Variants in LARGE1 observed in about 807,000 individuals in gnomAD.
LARGE1 encodes the protein xylosyl- and glucuronyltransferase LARGE1.
A neutral mutation model predicts 87.6 loss-of-function variants in LARGE1; 43 were observed. The observed-to-expected ratio is 0.49, with a 90% CI of 0.38 to 0.63. LARGE1 has a LOEUF of 0.63. Ranked by LOEUF, LARGE1 falls within the 30% of genes least tolerant of loss-of-function variation. The probability of loss-of-function intolerance (pLI) is 0.00; values close to 1 mark genes in which losing one functional copy is unlikely to be tolerated. For missense variants in LARGE1, 802 were observed against 1,000.2 expected, an observed-to-expected ratio of 0.80 and a Z score of 2.67; for synonymous variants, 434 against 394.6, an observed-to-expected ratio of 1.10 and a Z score of -1.18.
At chr22:33,898,621 G>T (rs2065207388) in intron 1 of LARGE1, among the ~76,000 whole-genome samples, 1 of 152,196 alleles carries the variant, frequency 6.6e-6, no homozygotes, top group Admixed American at 6.5e-5. Context: ...GGGCGTGGTG[G>T]CACATGCCTG....
chr22:33,637,300 T>C (rs191668105), intron 3 of LARGE1, among the ~76,000 whole-genome samples: 2 of 152,298 alleles, frequency 1.3e-5, no homozygotes, highest in African/African-American at 4.8e-5. Context: ...TATTTGTTGT[T>C]GTCATTCTCA....
At chr22:33,095,228 T>G in the LARGE1 span, among the ~76,000 whole-genome samples, 1 of 152,168 alleles carries the variant, frequency 6.6e-6, no homozygotes, top group Non-Finnish European at 1.5e-5. Flanking sequence ...AGTGCTAAAA[T>G]CAAAGTGTCA....
At chr22:33,645,106 C>CA (rs2080565502) in intron 3 of LARGE1, among the ~76,000 whole-genome samples, 10 of 152,190 alleles carry the variant, frequency 6.6e-5, no homozygotes, top group Admixed American at 2.6e-4. Context: ...CCAAGACAAT[C>CA]TTAAGCAAAA....
chr22:33,594,517 T>C (rs2078926255), intron 5 of LARGE1, among the ~76,000 whole-genome samples: 1 of 152,228 alleles, frequency 6.6e-6, no homozygotes, highest in East Asian at 1.9e-4. Context: ...ACCCTGCCCA[T>C]TGCTTTCTCA....
chr22:33,486,355 C>T (rs1471330610), intron 6 of LARGE1, among the ~76,000 whole-genome samples: 1 of 152,238 alleles, frequency 6.6e-6, no homozygotes, highest in Non-Finnish European at 1.5e-5. Context: ...ACCTATCCCT[C>T]CTTCCACTGG....
intron 2 of LARGE1, among the ~76,000 whole-genome samples, chr22:33,751,285 A>G (rs1398632595): frequency 6.6e-6 from 1 of 152,154 alleles, no homozygotes; most frequent in Non-Finnish European, 1.5e-5. Context: ...GTTCGAGACC[A>G]GCCTGGCCAA....
At chr22:33,482,382 T>C (rs2069367536) in intron 6 of LARGE1, among the ~76,000 whole-genome samples, 1 of 152,198 alleles carries the variant, frequency 6.6e-6, no homozygotes, top group African/African-American at 2.4e-5. Context: ...GCCATGGTGT[T>C]CTATGCTGAG....
chr22:33,258,582 G>A (rs963592383), intron 11 of LARGE1, among the ~76,000 whole-genome samples: 4 of 152,152 alleles, frequency 2.6e-5, no homozygotes, highest in Admixed American at 6.5e-5. Flanking sequence ...AGATGTTTAC[G>A]GTTAAGGGAA....
intron 6 of LARGE1, among the ~76,000 whole-genome samples, chr22:33,486,940 T>C (rs1462251708): frequency 6.6e-6 from 1 of 152,226 alleles, no homozygotes; most frequent in Admixed American, 6.5e-5. Flanking sequence ...TACTGGGTTA[T>C]ATAACTGTGC....
intron 7 of LARGE1, among the ~76,000 whole-genome samples, chr22:33,419,335 C>T (rs2147548211): frequency 6.6e-6 from 1 of 151,794 alleles, no homozygotes; most frequent in South Asian, 2.1e-4. Flanking sequence ...AGGGCCTGAC[C>T]ATATCAACCA....
chr22:33,282,674 A>G (rs1384462677), intron 13 of LARGE1, among the ~76,000 whole-genome samples: 1 of 152,240 alleles, frequency 6.6e-6, no homozygotes, highest in African/African-American at 2.4e-5. Flanking sequence ...GCTGGCTGCC[A>G]CATGTGCTGG....
At chr22:33,717,480 C>T (rs984086555) in intron 2 of LARGE1, among the ~76,000 whole-genome samples, 10 of 152,174 alleles carry the variant, frequency 6.6e-5, no homozygotes, top group African/African-American at 2.2e-4. Flanking sequence ...CAGTTCTTCT[C>T]CTCATCTACT....
Position 33,603,801 on chromosome 22 carries a change from C to T in LARGE1, c.615+634G>A, listed in dbSNP as rs548537314. Among the ~76,000 whole-genome samples the T allele has an allele frequency of 4.6e-5, 7 of 152,230 alleles. No individual in the cohort carries two copies. In the South Asian group the frequency reaches 6.2e-4, roughly 14 times the overall value. On this transcript the variant is annotated intron_variant, in intron 5 of 14. Coordinates refer to ENST00000397394, the MANE Select transcript of LARGE1 (RefSeq NM_133642.5). ...CTTAATCGGGCTGTGGGTCTCAACACGATGCAAGCAAAATGGCACCACAAA... is the reference window on the plus strand; with the variant it reads ...CTTAATCGGGCTGTGGGTCTCAACATGATGCAAGCAAAATGGCACCACAAA...
chr22:33,781,527 C>G (rs1473458824), intron 1 of LARGE1, among the ~76,000 whole-genome samples: 1 of 152,068 alleles, frequency 6.6e-6, no homozygotes, highest in Non-Finnish European at 1.5e-5. Flanking sequence ...TGACGTGTTC[C>G]AGAAACTAGT....
chr22:33,920,515 C>A (rs1347480639), upstream of LARGE1: 1 of 145,356 alleles, frequency 6.9e-6, no homozygotes, highest in East Asian at 2.0e-4. Flanking sequence ...GCGGGGGGGG[C>A]TGCAACCGGC....
At chr22:33,715,369 G>A (rs903165257) in intron 2 of LARGE1, among the ~76,000 whole-genome samples, 15 of 152,098 alleles carry the variant, frequency 9.9e-5, no homozygotes, top group East Asian at 3.9e-4. Context: ...GATCCATGTC[G>A]TCCTGCTTCT....
intron 1 of LARGE1, among the ~76,000 whole-genome samples, chr22:33,841,400 C>G (rs189815956): frequency 5.1e-4 from 78 of 152,318 alleles, no homozygotes; most frequent in African/African-American, 1.6e-3. Context: ...AAGGTTTGAT[C>G]TGGGTCCAGG....
intron 11 of LARGE1, among the ~76,000 whole-genome samples, chr22:33,181,763 C>T (rs137372): frequency 0.45 from 67,699 of 149,332 alleles, 15,655 homozygotes; most frequent in Middle Eastern, 0.51. Context: ...CTCCTGACCT[C>T]GTAATCCGCC....
At chr22:33,131,311 T>C in the LARGE1 span, among the ~76,000 whole-genome samples, 12 of 152,296 alleles carry the variant, frequency 7.9e-5, no homozygotes, top group African/African-American at 2.6e-4. Flanking sequence ...TCTCTCTCTC[T>C]CAGTGTGCCA....
Sources: allele counts gnomAD v4.1 joint callset (sites outside exome capture counted in the v4.1 genomes callset), GRCh38; gene constraint gnomAD v4.1.1; transcripts MANE v1.5; gene names NCBI Gene and HGNC (gene_info 2026-07-23, HGNC 2026-07-21).